SEC14L5: variants seen among roughly 807,000 people sequenced by gnomAD.
The protein encoded by SEC14L5 is SEC14-like protein 5.
SEC14L5 carries 96 observed loss-of-function variants against 84.6 expected under a neutral mutation model. The observed-to-expected ratio is 1.13, with a 90% confidence interval of 0.96 to 1.34. SEC14L5 has a LOEUF of 1.34. Among genes scored for constraint, SEC14L5 ranks in the 40% most tolerant of loss-of-function variants. The pLI is 0.00. For missense variants in SEC14L5, 1,224 were observed against 942.5 expected (o/e 1.30, Z -3.91); for synonymous variants, 546 against 383.4 (o/e 1.42, Z -4.95).
intron 2 of SEC14L5, among the ~76,000 whole-genome samples, chr16:4,981,524 GC>G (rs1955423979): frequency 6.6e-6 from 1 of 152,096 alleles, no homozygotes; most frequent in South Asian, 2.1e-4. Flanking sequence ...TGTGGCCGCT[GC>G]CTGGCAGGAT....
chr16:4,987,643 G>T lies in SEC14L5; in HGVS notation c.150G>T (p.Gly50=), dbSNP rs1407321004. 1.3e-6 allele frequency: 2 copies of T among 1,555,032 alleles called. No individual in the cohort carries two copies. Among genetic ancestry groups the T allele is most frequent in the Admixed American group, 1.9e-5 (1 of 51,890 alleles). The part of the protein sequence containing the change: ...EVLRESRSPD[G]AVHVVERSCR... Reference sequence around the variant, plus strand: ...TGCGCGAGTCCCGCAGCCCGGACGGGGCTGTGCACGTGGTGGAGCGGAGCT... The same window carrying T: ...TGCGCGAGTCCCGCAGCCCGGACGGTGCTGTGCACGTGGTGGAGCGGAGCT... Residue 50 remains glycine, a synonymous_variant, in exon 3 of 16, where the codon GGG becomes GGT. Coordinates refer to ENST00000251170, the MANE Select transcript of SEC14L5 (RefSeq NM_014692.2).
chr16:5,008,499 C>G lies in SEC14L5; in HGVS notation c.1651C>G (p.Leu551Val), dbSNP rs1458155164. 3 of 1,612,764 alleles carry G rather than the reference C, an allele frequency of 1.9e-6. No individual in the cohort carries two copies. The highest frequency in any genetic ancestry group is 1.1e-5 in the South Asian group (1 of 90,916). The change falls in exon 14 of 16, where the codon CTG becomes GTG. Residue 551 changes from leucine (L) to valine (V), a missense_variant. Coordinates refer to ENST00000251170, the MANE Select transcript of SEC14L5 (RefSeq NM_014692.2). ...CCTGCGAGGGGACGTGGTGTTCAGC[C>G]TGTACCACACCAAGCAGGCGCCCAG... ...DILRGDVVFS[L>V]YHTKQAPRLG... is the part of the protein sequence containing the mutation.
chr16:4,996,464 G>T lies in SEC14L5; in HGVS notation c.780+4G>T. The T allele has an allele frequency of 6.6e-7, 1 of 1,517,958 alleles. No homozygotes were observed. Among genetic ancestry groups the T allele is most frequent in the South Asian group, 1.2e-5 (1 of 83,538 alleles). The allele number at this position is 1,517,958 out of a possible 1,614,324, so 94.0% of individuals were successfully genotyped here. ...ACAGGAGACCCACAAAGGCAAGGTG[G>T]GTGCAGGGGGTACCCTGGAGCAGTG... On this transcript the variant is annotated splice_donor_region_variant and intron_variant, in intron 7 of 15. Coordinates refer to ENST00000251170, the MANE Select transcript of SEC14L5 (RefSeq NM_014692.2).
At chr16:4,978,596 T>A (rs968443351) in intron 2 of SEC14L5, among the ~76,000 whole-genome samples, 2 of 149,338 alleles carry the variant, frequency 1.3e-5, no homozygotes, top group Middle Eastern at 3.4e-3. Flanking sequence ...TTTTCTTTTT[T>A]AAAAATATTT....
chr16:5,008,332 G>C, intron 13 of SEC14L5, 89 bp from the exon 14 acceptor site: 1 of 910,302 alleles, frequency 1.1e-6, no homozygotes, highest in Non-Finnish European at 1.7e-6. Context: ...GACCCCAGGG[G>C]GCACCCACAG....
rs1365272116 is a variant in SEC14L5 at position 5,015,025 on chromosome 16, G to C, written c.*55G>C. ...CGCCTCCAGTGTCCAGAAATGTCCA[G>C]AATGAGAAGCCAGCTAACTGCAGGG... On this transcript the variant is annotated 3_prime_UTR_variant, in exon 16 of 16. Coordinates refer to ENST00000251170, the MANE Select transcript of SEC14L5 (RefSeq NM_014692.2). The C allele has an allele frequency of 7.2e-6, 10 of 1,392,528 alleles. No individual in the cohort carries two copies. Among genetic ancestry groups the C allele is most frequent in the Non-Finnish European group, 1.0e-5 (10 of 993,602 alleles). 86.3% of individuals were successfully genotyped at this position (1,392,528 alleles called of 1,614,324 possible).
intron 2 of SEC14L5, among the ~76,000 whole-genome samples, chr16:4,969,050 G>C (rs1039400987): frequency 1.3e-5 from 2 of 152,270 alleles, no homozygotes; most frequent in Admixed American, 6.5e-5. Flanking sequence ...ATTTAAATGA[G>C]TTTAAATTAG....
chr16:5,003,797 C>A (rs754593848), intron 11 of SEC14L5, among the ~76,000 whole-genome samples: 2 of 152,252 alleles, frequency 1.3e-5, no homozygotes, highest in African/African-American at 2.4e-5. Flanking sequence ...AATCCCAGAA[C>A]ATTTCTGTCG....
chr16:4,997,609 G>A (rs1336430675), intron 8 of SEC14L5, among the ~76,000 whole-genome samples: 1 of 152,140 alleles, frequency 6.6e-6, no homozygotes, highest in East Asian at 1.9e-4. Flanking sequence ...GGTAACAGGT[G>A]CATACATTTT....
At chr16:5,009,922 C>T (rs953809354) in intron 14 of SEC14L5, among the ~76,000 whole-genome samples, 14 of 151,650 alleles carry the variant, frequency 9.2e-5, no homozygotes, top group African/African-American at 2.9e-4. Flanking sequence ...CAGGTGGACA[C>T]GAGGGTAGCT....
chr16:4,980,179 C>T (rs1955403878), intron 2 of SEC14L5, among the ~76,000 whole-genome samples: 2 of 152,212 alleles, frequency 1.3e-5, no homozygotes, highest in African/African-American at 2.4e-5. Context: ...TGAAGCGAGG[C>T]AGTTAACACT....
At chr16:5,003,603 C>T (rs774496626) in intron 11 of SEC14L5, 30 bp downstream of exon 11, 59 of 371,630 alleles carry the variant, frequency 1.6e-4, no homozygotes, top group South Asian at 1.2e-3. Context: ...CCAGGACTCT[C>T]CCTGGGGGTG....
chr16:4,997,611 A>C (rs1405952519), intron 8 of SEC14L5, among the ~76,000 whole-genome samples: 1 of 152,204 alleles, frequency 6.6e-6, no homozygotes, highest in African/African-American at 2.4e-5. Flanking sequence ...TAACAGGTGC[A>C]TACATTTTGT....
intron 2 of SEC14L5, among the ~76,000 whole-genome samples, chr16:4,979,800 G>A (rs1048999985): frequency 1.3e-5 from 2 of 152,160 alleles, no homozygotes; most frequent in African/African-American, 4.8e-5. Context: ...GGTTTCTGCC[G>A]AGGTCCCTCC....
intron 2 of SEC14L5, among the ~76,000 whole-genome samples, chr16:4,971,868 G>T (rs547048053): frequency 6.6e-6 from 1 of 152,252 alleles, no homozygotes; most frequent in African/African-American, 2.4e-5. Flanking sequence ...CAATGTCCCA[G>T]GTGTTGTACA....
At position 4,998,737 on chromosome 16, in the gene SEC14L5, C is replaced by CA. The variant is rs60494025; in HGVS notation, c.970+1722dup. On this transcript the variant is annotated intron_variant, in intron 8 of 15. Transcript: ENST00000251170. ...TGGGCGACAGAGCGAGACTCCGTCT[C>CA]AAAAAAAAAAAAAAAAAAAAAAAAA... is the stretch of plus-strand genomic sequence containing the variant. Among the ~76,000 whole-genome samples, 96 of 94,040 alleles carry CA rather than the reference C, an allele frequency of 1.0e-3. 2 individuals carry two copies. Among genetic ancestry groups the CA allele is most frequent in the African/African-American group, 4.3e-3 (88 of 20,670 alleles). 61.7% of individuals were successfully genotyped at this position (94,040 alleles called of 152,430 possible).
rs1555530444 is a variant in SEC14L5, at chr16:4,998,003, C to CCTTTTTT, written c.970+959_970+960insCTTTTTT. ...AATTACACCTGCACAGACTCTAGTT[C>CCTTTTTT]TTTTTTTTTTTTTTTTTTGAGACAG... On this transcript the variant is annotated intron_variant, in intron 8 of 15. Coordinates refer to ENST00000251170, the MANE Select transcript of SEC14L5 (RefSeq NM_014692.2). Among the ~76,000 whole-genome samples, 15 of 77,896 alleles carry CCTTTTTT rather than the reference C, an allele frequency of 1.9e-4. 6 individuals carry two copies. Among genetic ancestry groups the CCTTTTTT allele is most frequent in the African/African-American group, 1.5e-4 (3 of 19,360 alleles). The allele number at this position is 77,896 out of a possible 152,430, so 51.1% of individuals were successfully genotyped here.
chr16:4,968,922 C>G (rs527516658), intron 2 of SEC14L5, among the ~76,000 whole-genome samples: 15 of 152,336 alleles, frequency 9.8e-5, no homozygotes, highest in African/African-American at 3.6e-4. Flanking sequence ...TGTAATTTAG[C>G]CAATGCGTTA....
chr16:4,967,591 T>G (rs1007664680), intron 2 of SEC14L5, among the ~76,000 whole-genome samples: 5 of 112,056 alleles, frequency 4.5e-5, no homozygotes, highest in Non-Finnish European at 8.7e-5. Context: ...TTTTTTTTTT[T>G]TGACAGAGTG....
Sources: gnomAD v4.1 joint callset for allele counts (sites outside exome capture counted in the v4.1 genomes callset) on GRCh38, gnomAD v4.1.1 for gene constraint, MANE v1.5 for transcripts, NCBI Gene and HGNC (gene_info 2026-07-23, HGNC 2026-07-21) for gene names.